Variants in CRISPLD2 observed in about 807,000 individuals in gnomAD.
The protein encoded by CRISPLD2 is cysteine rich secretory protein LCCL domain containing 2.
A neutral mutation model predicts 71.1 loss-of-function variants in CRISPLD2; 47 were observed. The ratio of observed to expected loss-of-function variants is 0.66; its 90% confidence interval spans 0.52 to 0.84. The LOEUF (loss-of-function observed/expected upper bound fraction) is 0.84, where lower values mean the gene tolerates loss of function less well. Among genes scored for constraint, CRISPLD2 ranks in the 40% least tolerant of loss-of-function variants. CRISPLD2 has a pLI of 0.00. For missense variants in CRISPLD2, 830 were observed against 651.1 expected, an observed-to-expected ratio of 1.27 and a Z score of -2.99; for synonymous variants, 317 against 250.1, an observed-to-expected ratio of 1.27 and a Z score of -2.52.
At chr16:84,887,812 G>A (rs549403731) in intron 13 of CRISPLD2, among the ~76,000 whole-genome samples, 1 of 152,272 alleles carries the variant, frequency 6.6e-6, no homozygotes, top group East Asian at 1.9e-4. Context: ...GGAGACAGAG[G>A]TTGCGATAAG....
chr16:84,848,519 G>T (rs930077104), intron 3 of CRISPLD2, among the ~76,000 whole-genome samples: 1 of 151,578 alleles, frequency 6.6e-6, no homozygotes, highest in Non-Finnish European at 1.5e-5. Flanking sequence ...GGGGTGGTGG[G>T]CATGAAGCGA....
intron 14 of CRISPLD2, among the ~76,000 whole-genome samples, chr16:84,896,992 A>G (rs893645893): frequency 4.6e-5 from 7 of 152,098 alleles, no homozygotes; most frequent in Admixed American, 3.9e-4. Flanking sequence ...TGATGCCAAA[A>G]GGCAAGCTCT....
At chr16:84,878,163 G>T (rs1468844637) in intron 12 of CRISPLD2, among the ~76,000 whole-genome samples, 1 of 152,116 alleles carries the variant, frequency 6.6e-6, no homozygotes, top group Non-Finnish European at 1.5e-5. Context: ...GGTGGAGCTT[G>T]CAGTGAGCCG....
intron 1 of CRISPLD2, among the ~76,000 whole-genome samples, chr16:84,829,457 T>A (rs913607376): frequency 2.6e-5 from 4 of 152,134 alleles, no homozygotes; most frequent in Non-Finnish European, 5.9e-5. Flanking sequence ...ATTCCTGGAA[T>A]TTCTGGGTGG....
intron 2 of CRISPLD2, among the ~76,000 whole-genome samples, chr16:84,840,982 G>C (rs1258973130): frequency 6.6e-6 from 1 of 152,220 alleles, no homozygotes; most frequent in South Asian, 2.1e-4. Flanking sequence ...TTGCTATAAA[G>C]AGGTGGACAA....
chr16:84,821,780 G>T (rs1350000584), intron 1 of CRISPLD2, among the ~76,000 whole-genome samples: 1 of 152,204 alleles, frequency 6.6e-6, no homozygotes, highest in Non-Finnish European at 1.5e-5. Context: ...AATGCCATTT[G>T]TAATAATACA....
At chr16:84,863,500 C>T (rs975476377) in intron 6 of CRISPLD2, among the ~76,000 whole-genome samples, 2 of 152,210 alleles carry the variant, frequency 1.3e-5, no homozygotes, top group Admixed American at 1.3e-4. Context: ...CTCTCACCCC[C>T]ACCTGTGTGG....
chr16:84,853,031 C>T (rs1357382328), intron 5 of CRISPLD2, among the ~76,000 whole-genome samples: 1 of 152,172 alleles, frequency 6.6e-6, no homozygotes, highest in Non-Finnish European at 1.5e-5. Flanking sequence ...CACACCACTG[C>T]ACTCCAGCCT....
chr16:84,862,147 G>T (rs1019505386), intron 6 of CRISPLD2, among the ~76,000 whole-genome samples: 1 of 151,842 alleles, frequency 6.6e-6, no homozygotes, highest in Non-Finnish European at 1.5e-5. Context: ...GAGGTTTCTC[G>T]CCCCCACTCC....
At chr16:84,833,814 C>T (rs980520200) in intron 1 of CRISPLD2, among the ~76,000 whole-genome samples, 1 of 152,216 alleles carries the variant, frequency 6.6e-6, no homozygotes, top group Admixed American at 6.5e-5. Context: ...GCCTTCTCAT[C>T]AACAGAGGCA....
chr16:84,881,864 G>A (rs1228065982), intron 13 of CRISPLD2, among the ~76,000 whole-genome samples: 1 of 152,028 alleles, frequency 6.6e-6, no homozygotes, highest in East Asian at 1.9e-4. Context: ...GCCTCTGTCT[G>A]CCTTAATGTG....
At chr16:84,869,969 G>C (rs563028807) in intron 8 of CRISPLD2, among the ~76,000 whole-genome samples, 1 of 152,354 alleles carries the variant, frequency 6.6e-6, no homozygotes, top group Non-Finnish European at 1.5e-5. Flanking sequence ...GAGAAGGCAA[G>C]AATCTGTCCA....
intron 1 of CRISPLD2, among the ~76,000 whole-genome samples, chr16:84,830,485 C>T (rs958733606): frequency 2.6e-5 from 4 of 152,088 alleles, no homozygotes; most frequent in African/African-American, 7.2e-5. Context: ...GGGTGGATTG[C>T]CTGAGGTCAG....
In CRISPLD2 at chr16:84,904,591, G is replaced by C. The variant is rs1416294352; in HGVS notation, c.1440-1997G>C. On this transcript the variant is annotated intron_variant, in intron 14 of 14. Transcript: ENST00000262424. Reference sequence around the variant, plus strand: ...AGAGCGAGACTCGGTCTCAAAAAAAGGTAAAAAAAAAAATTTAAAAAAAAA... The same window carrying C: ...AGAGCGAGACTCGGTCTCAAAAAAACGTAAAAAAAAAAATTTAAAAAAAAA... Among the ~76,000 whole-genome samples the C allele has an allele frequency of 2.8e-5, 4 of 143,618 alleles. No homozygotes were observed. In the East Asian group the frequency reaches 8.1e-4, roughly 29 times the overall value. 94.2% of individuals were successfully genotyped at this position (143,618 alleles called of 152,430 possible).
chr16:84,854,678 A>T (rs752173360), intron 5 of CRISPLD2, 51 bp from the exon 6 acceptor site: 34 of 1,352,512 alleles, frequency 2.5e-5, no homozygotes, highest in Non-Finnish European at 3.2e-5. Flanking sequence ...ATCAGTCCCG[A>T]GGCCTCACGT....
At chr16:84,884,583 T>C (rs1023785732) in intron 13 of CRISPLD2, among the ~76,000 whole-genome samples, 4 of 151,924 alleles carry the variant, frequency 2.6e-5, no homozygotes, top group Admixed American at 1.3e-4. Context: ...AGGAGAGGAA[T>C]TGGATGCCTT....
At chr16:84,851,061 C>T (rs1278764214) in intron 5 of CRISPLD2, among the ~76,000 whole-genome samples, 1 of 152,212 alleles carries the variant, frequency 6.6e-6, no homozygotes, top group African/African-American at 2.4e-5. Flanking sequence ...AAGATTGCCC[C>T]AACTGGCTTT....
At chr16:84,863,489 C>G (rs1054756582) in intron 6 of CRISPLD2, among the ~76,000 whole-genome samples, 1 of 152,170 alleles carries the variant, frequency 6.6e-6, no homozygotes, top group African/African-American at 2.4e-5. Flanking sequence ...GGTATTCTCC[C>G]CTCTCACCCC....
chr16:84,852,100 C>A (rs768050094), intron 5 of CRISPLD2, among the ~76,000 whole-genome samples: 1 of 152,220 alleles, frequency 6.6e-6, no homozygotes. Context: ...GGCTCACCAA[C>A]GGCCACTATC....
Sources: gnomAD v4.1 joint callset for allele counts (sites outside exome capture counted in the v4.1 genomes callset) on GRCh38, gnomAD v4.1.1 for gene constraint, MANE v1.5 for transcripts, NCBI Gene and HGNC (gene_info 2026-07-23, HGNC 2026-07-21) for gene names.